Variants in DAB1 observed in about 807,000 individuals in gnomAD.
DAB1 encodes the protein disabled homolog 1.
Under a neutral mutation model 64.6 loss-of-function variants are expected in DAB1, and 15 were observed. That is an observed-to-expected ratio of 0.23 (90% CI 0.16 to 0.36). The LOEUF is 0.36. Ranked by LOEUF, DAB1 falls within the 10% of genes least tolerant of loss-of-function variation. The pLI, the probability that DAB1 is intolerant of heterozygous loss-of-function variation, is 1.00. For missense variants in DAB1, 596 were observed against 706.7 expected (o/e 0.84, Z 1.78); for synonymous variants, 235 against 251.9 (o/e 0.93, Z 0.64).
chr1:57,522,772 T>C (rs1229680311), intron 7 of DAB1, among the ~76,000 whole-genome samples: 1 of 152,202 alleles, frequency 6.6e-6, no homozygotes, highest in Non-Finnish European at 1.5e-5. Context: ...TCATTCTGGA[T>C]GGACACTATC....
chr1:57,751,607 T>C (rs548697402), intron 6 of DAB1, among the ~76,000 whole-genome samples: 3 of 151,404 alleles, frequency 2.0e-5, no homozygotes, highest in South Asian at 4.2e-4. Flanking sequence ...AGGGTGAGGA[T>C]GGAAGAGGAC....
At chr1:57,682,289 TG>T (rs1646645328) in intron 6 of DAB1, among the ~76,000 whole-genome samples, 1 of 151,240 alleles carries the variant, frequency 6.6e-6, no homozygotes, top group Non-Finnish European at 1.5e-5. Context: ...AAAATATGAT[TG>T]CAAAGAAAAC....
chr1:58,493,264 T>C (rs1175303598), intron 3 of DAB1, among the ~76,000 whole-genome samples: 1 of 152,150 alleles, frequency 6.6e-6, no homozygotes, highest in Non-Finnish European at 1.5e-5. Flanking sequence ...ATGGGACGTA[T>C]CTCAAAATAG....
chr1:57,327,013 A>G (rs757475177), intron 1 of DAB1, among the ~76,000 whole-genome samples: 3 of 152,136 alleles, frequency 2.0e-5, no homozygotes, highest in Non-Finnish European at 4.4e-5. Flanking sequence ...ATCTTGGTTC[A>G]TCGCAGCCTC....
chr1:57,022,070 G>T (rs1269182905), intron 11 of DAB1, among the ~76,000 whole-genome samples: 1 of 152,072 alleles, frequency 6.6e-6, no homozygotes, highest in East Asian at 1.9e-4. Flanking sequence ...CCCAGTAAAA[G>T]GTAGGCTCTC....
At chr1:57,373,539 C>T (rs931399332) in intron 1 of DAB1, among the ~76,000 whole-genome samples, 16 of 152,068 alleles carry the variant, frequency 1.1e-4, no homozygotes, top group Non-Finnish European at 1.3e-4. Context: ...TCATGCATTG[C>T]AGTTACAAGT....
intron 1 of DAB1, among the ~76,000 whole-genome samples, chr1:58,531,409 A>G (rs1443401947): frequency 6.6e-6 from 1 of 152,174 alleles, no homozygotes; most frequent in African/African-American, 2.4e-5. Flanking sequence ...TACTTATATC[A>G]GTTACCAAAA....
intron 3 of DAB1, among the ~76,000 whole-genome samples, chr1:58,428,791 T>C (rs2100235790): frequency 6.6e-6 from 1 of 152,380 alleles, no homozygotes; most frequent in East Asian, 1.9e-4. Flanking sequence ...TATACTTCTG[T>C]ACATGTTTGA....
At chr1:57,737,880 C>T (rs1402993709) in intron 6 of DAB1, among the ~76,000 whole-genome samples, 1 of 152,202 alleles carries the variant, frequency 6.6e-6, no homozygotes, top group Non-Finnish European at 1.5e-5. Context: ...TTACAAACAT[C>T]TGCCCCCCTC....
intron 2 of DAB1, among the ~76,000 whole-genome samples, chr1:57,155,580 C>T (rs1033672123): frequency 1.5e-4 from 22 of 150,558 alleles, no homozygotes; most frequent in Admixed American, 2.7e-4. Context: ...CTATGAGGAA[C>T]GTTATTGGTA....
chr1:58,028,369 C>CTATA (rs1369743563), intron 5 of DAB1, among the ~76,000 whole-genome samples: 6 of 152,204 alleles, frequency 3.9e-5, no homozygotes, highest in Admixed American at 3.3e-4. Flanking sequence ...GCCAGCAGCA[C>CTATA]TATAACTCAT....
intron 5 of DAB1, among the ~76,000 whole-genome samples, chr1:58,116,107 G>A (rs943619770): frequency 6.6e-6 from 1 of 152,116 alleles, no homozygotes; most frequent in African/African-American, 2.4e-5. Flanking sequence ...AGGTGACACA[G>A]TTTTAAATAA....
chr1:58,498,677 T>C (rs1331331994), intron 3 of DAB1, among the ~76,000 whole-genome samples: 1 of 152,234 alleles, frequency 6.6e-6, no homozygotes. Context: ...TATATAACTA[T>C]GTTTCTTGAA....
chr1:58,384,642 G>T (rs1644418325), intron 3 of DAB1, among the ~76,000 whole-genome samples: 2 of 152,140 alleles, frequency 1.3e-5, no homozygotes, highest in Non-Finnish European at 2.9e-5. Context: ...AAGCTGAGGA[G>T]CAAGGACACC....
intron 7 of DAB1, among the ~76,000 whole-genome samples, chr1:57,599,216 AT>A (rs994987554): frequency 4.2e-4 from 64 of 150,754 alleles, no homozygotes; most frequent in African/African-American, 1.5e-3. Flanking sequence ...AAGCTTAATA[AT>A]TTTTTTCTAT....
intron 6 of DAB1, among the ~76,000 whole-genome samples, chr1:57,791,566 C>T (rs1650600628): frequency 6.6e-6 from 1 of 152,152 alleles, no homozygotes; most frequent in East Asian, 1.9e-4. Context: ...ATCTCTAACC[C>T]TCATTCTTTG....
chr1:58,055,505 C>G (rs1647995878), intron 5 of DAB1, among the ~76,000 whole-genome samples: 1 of 150,494 alleles, frequency 6.6e-6, no homozygotes. Context: ...CATCTTCTGA[C>G]AGTCAGTATA....
chr1:58,452,734 G>A (rs1396807506), intron 3 of DAB1, among the ~76,000 whole-genome samples: 7 of 151,658 alleles, frequency 4.6e-5, no homozygotes, highest in Non-Finnish European at 1.5e-5. Context: ...AGGCTGACGC[G>A]GGAGAATCAC....
chr1:57,062,575 T>A (rs564642433), intron 9 of DAB1, among the ~76,000 whole-genome samples: 1 of 152,332 alleles, frequency 6.6e-6, no homozygotes, highest in South Asian at 2.1e-4. Flanking sequence ...AAACCATGGC[T>A]GGAGACTTTT....
Sources: gnomAD v4.1 joint callset for allele counts (sites outside exome capture counted in the v4.1 genomes callset) on GRCh38, gnomAD v4.1.1 for gene constraint, MANE v1.5 for transcripts, NCBI Gene and HGNC (gene_info 2026-07-23, HGNC 2026-07-21) for gene names.